SPRED2: variants seen among roughly 807,000 people sequenced by gnomAD.
SPRED2 encodes the protein sprouty-related, EVH1 domain-containing protein 2.
A neutral mutation model predicts 43.0 loss-of-function variants in SPRED2; 47 were observed. That is an observed-to-expected ratio of 1.09 (90% CI 0.87 to 1.40). The LOEUF (loss-of-function observed/expected upper bound fraction) is 1.40. SPRED2 is among the 40% of genes most tolerant of loss of function. SPRED2 has a pLI of 0.00. For synonymous variants in SPRED2, 225 were observed against 225.7 expected (o/e 1.00, Z 0.03); for missense variants, 561 against 586.4 (o/e 0.96, Z 0.45).
chr2:65,407,596 G>A (rs1048128114), intron 1 of SPRED2, among the ~76,000 whole-genome samples: 1 of 152,180 alleles, frequency 6.6e-6, no homozygotes, highest in African/African-American at 2.4e-5. Context: ...TGACTGTCAT[G>A]CACATCCCTG....
chr2:65,431,899 T>C (rs113631154), intron 1 of SPRED2, 63 bp downstream of exon 1: 2 of 1,596,060 alleles, frequency 1.3e-6, no homozygotes, highest in Non-Finnish European at 8.6e-7. Context: ...GCCCGCATCC[T>C]CAGCCCCGGC....
Position 65,313,754 on chromosome 2 carries a change from G to C in SPRED2, c.1004C>G (p.Thr335Ser), listed in dbSNP as rs779687734. ...HCQDAPDSVR[T>S]CIRRVSCMWC... ...CATGCAGCTCACCCGGCGGATGCAA[G>C]TTCTCACGGAGTCGGGCGCGTCCTG... The change falls in exon 6 of 6, where the codon ACT becomes AGT. Residue 335 changes from threonine to serine, a missense_variant. Physicochemically the swap from Thr to Ser is moderately conservative, Grantham distance 58. This residue lies in a region of SPRED2 where 164 missense variants were observed against 164.1 expected (regional missense o/e 1.00). Transcript: ENST00000356388. 2 of 1,614,116 alleles carry C rather than the reference G, an allele frequency of 1.2e-6. No individual in the cohort carries two copies. Among genetic ancestry groups the C allele is most frequent in the Admixed American group, 3.3e-5 (2 of 60,012 alleles).
At chr2:65,417,452 G>A (rs1201049050) in intron 1 of SPRED2, among the ~76,000 whole-genome samples, 1 of 152,078 alleles carries the variant, frequency 6.6e-6, no homozygotes, top group Admixed American at 6.5e-5. Flanking sequence ...CCATGTTCAG[G>A]AGAGCTACAC....
At chr2:65,374,187 G>A (rs1157828012) in intron 1 of SPRED2, 2 of 152,090 alleles carry the variant, frequency 1.3e-5, no homozygotes, top group Non-Finnish European at 2.9e-5. Context: ...TTCTGCTTTC[G>A]TTCAGCTTCC....
intron 1 of SPRED2, among the ~76,000 whole-genome samples, chr2:65,416,061 A>G (rs906061895): frequency 2.0e-5 from 3 of 152,228 alleles, no homozygotes; most frequent in Non-Finnish European, 4.4e-5. Flanking sequence ...GGTTGGTTGC[A>G]ACCTTCTAGG....
intron 2 of SPRED2, among the ~76,000 whole-genome samples, 194 bp from the exon 3 acceptor site, chr2:65,334,967 C>G (rs1261315082): frequency 6.6e-6 from 1 of 152,204 alleles, no homozygotes; most frequent in African/African-American, 2.4e-5. Flanking sequence ...CTTCGCTGCT[C>G]CCCACTGTCC....
At position 65,399,175 on chromosome 2, in the gene SPRED2, T is replaced by C. The variant is rs1675824719; in HGVS notation, c.26+32787A>G. ...GTCCCAGCTACTTGGGAGGCTGAGGTAGGAGAATCGCTTGAAGCTGGAGGC... is the reference window on the plus strand; with the variant it reads ...GTCCCAGCTACTTGGGAGGCTGAGGCAGGAGAATCGCTTGAAGCTGGAGGC... On this transcript the variant is annotated intron_variant, in intron 1 of 5. Coordinates refer to ENST00000356388, the MANE Select transcript of SPRED2 (RefSeq NM_181784.3). Among the ~76,000 whole-genome samples, 3 of 148,774 alleles carry C rather than the reference T, an allele frequency of 2.0e-5. No individual in the cohort carries two copies. The East Asian group carries it at 6.1e-4, about 30-fold the overall frequency.
chr2:65,346,232 C>A (rs1674345202), intron 1 of SPRED2, among the ~76,000 whole-genome samples: 1 of 152,134 alleles, frequency 6.6e-6, no homozygotes, highest in Non-Finnish European at 1.5e-5. Flanking sequence ...CTATGGCTCA[C>A]CCTCCACTGC....
chr2:65,380,277 C>T (rs1237317481), intron 1 of SPRED2, among the ~76,000 whole-genome samples: 7 of 152,274 alleles, frequency 4.6e-5, no homozygotes, highest in South Asian at 2.1e-4. Flanking sequence ...CACTTAATAC[C>T]GTAGGTGTAA....
intron 1 of SPRED2, chr2:65,366,539 G>C (rs1674984226): frequency 6.5e-7 from 1 of 1,531,912 alleles, no homozygotes; most frequent in East Asian, 2.5e-5. Flanking sequence ...GAAAGGTTAA[G>C]AATAAGAGAA....
At position 65,344,768 on chromosome 2, in the gene SPRED2, T is replaced by C. The variant is rs755057303; in HGVS notation, c.155A>G (p.Asn52Ser). Residue 52 changes from asparagine to serine, a missense_variant, in exon 2 of 6, where the codon AAT (asparagine) becomes AGT (serine). Asn to Ser is a conservative substitution (Grantham distance 46, BLOSUM62 1). Coordinates refer to ENST00000356388, the MANE Select transcript of SPRED2 (RefSeq NM_181784.3). The part of the protein sequence containing the change: ...GVCKVMHPEG[N>S]GRSGFLIHGE... ...ATGGATGAGAAAGCCGCTTCGTCCA[T>C]TGCCTTCGGGGTGCATGACCTTACA... 6.2e-7 allele frequency: 1 copy of C among 1,614,100 alleles called. No homozygotes were observed. Among genetic ancestry groups the C allele is most frequent in the African/African-American group, 1.3e-5 (1 of 74,932 alleles).
intron 1 of SPRED2, chr2:65,380,814 T>C (rs1010522649): frequency 6.6e-6 from 1 of 150,728 alleles, no homozygotes; most frequent in African/African-American, 2.4e-5. Flanking sequence ...CAAAGGTACA[T>C]GCTCTGAAGT....
At chr2:65,413,610 C>T (rs1194676287) in intron 1 of SPRED2, among the ~76,000 whole-genome samples, 1 of 152,200 alleles carries the variant, frequency 6.6e-6, no homozygotes, top group Non-Finnish European at 1.5e-5. Context: ...ACCCAAGTCA[C>T]CGTGCAAGTG....
chr2:65,395,147 C>A (rs528679460), intron 1 of SPRED2, among the ~76,000 whole-genome samples: 3 of 152,142 alleles, frequency 2.0e-5, no homozygotes, highest in Non-Finnish European at 4.4e-5. Context: ...TCCACTGGGC[C>A]TCGGATCTAA....
intron 1 of SPRED2, among the ~76,000 whole-genome samples, chr2:65,430,735 A>G (rs555656158): frequency 6.2e-4 from 94 of 152,026 alleles, no homozygotes; most frequent in Non-Finnish European, 1.3e-3. Flanking sequence ...TTTGCGCCCA[A>G]GCCCGCGCCG....
intron 1 of SPRED2, among the ~76,000 whole-genome samples, chr2:65,356,629 G>A (rs553474459): frequency 1.4e-5 from 2 of 139,546 alleles, no homozygotes; most frequent in Admixed American, 7.9e-5. Flanking sequence ...GTCAGGAAAT[G>A]ACTCTACCAA....
At chr2:65,358,886 T>C (rs763209142) in intron 1 of SPRED2, among the ~76,000 whole-genome samples, 2 of 152,344 alleles carry the variant, frequency 1.3e-5, no homozygotes, top group South Asian at 4.1e-4. Context: ...CAGCTCTTGC[T>C]GGGTTTTGGC....
At chr2:65,322,894 T>A (rs1458486461) in intron 4 of SPRED2, among the ~76,000 whole-genome samples, 1 of 152,250 alleles carries the variant, frequency 6.6e-6, no homozygotes, top group Non-Finnish European at 1.5e-5. Flanking sequence ...ATTTTATTAA[T>A]ATGTGAATTA....
In SPRED2 at chr2:65,316,868, A is replaced by C; in HGVS notation, c.454T>G (p.Ser152Ala). The C allele has an allele frequency of 6.2e-7, 1 of 1,613,870 alleles. No homozygotes were observed. Among genetic ancestry groups the C allele is most frequent in the Non-Finnish European group, 8.5e-7 (1 of 1,179,976 alleles). The stretch of plus-strand genomic sequence containing the variant: ...TCTCTCTTCTGAGAGGAATTAGAAG[A>C]ACTGTCTGTAGCTGTCTGTGTAGAG... Reference protein sequence around the residue: ...DDVFTTATDSSSNSSQKREQP... With the variant: ...DDVFTTATDSASNSSQKREQP... Residue 152 changes from serine to alanine, a missense_variant, in exon 5 of 6, where the codon TCT becomes GCT. Ser to Ala is a moderately conservative substitution (Grantham distance 99, BLOSUM62 1). This residue lies in a region of SPRED2 where 305 missense variants were observed against 282.4 expected (regional missense o/e 1.08). Transcript: ENST00000356388.
Sources: allele counts gnomAD v4.1 joint callset (sites outside exome capture counted in the v4.1 genomes callset), GRCh38; gene constraint gnomAD v4.1.1; regional missense constraint gnomAD v4.1.1; transcripts MANE v1.5; gene names NCBI Gene and HGNC (gene_info 2026-07-23, HGNC 2026-07-21).